The following CSMD2 variants were observed in gnomAD, a reference collection of about 807,000 sequenced individuals.
CSMD2 encodes the protein CUB and Sushi multiple domains 2.
A neutral mutation model predicts 398.5 loss-of-function variants in CSMD2; 130 were observed. That is an observed-to-expected ratio of 0.33 (90% confidence interval 0.28 to 0.38). CSMD2 has a LOEUF of 0.38. CSMD2 is among the 10% of genes least tolerant of loss of function. The pLI, the probability that CSMD2 is intolerant of heterozygous loss-of-function variation, is 1.00. For synonymous variants in CSMD2, 1,828 were observed against 1,908.5 expected, an observed-to-expected ratio of 0.96 and a Z score of 1.10; for missense variants, 3,829 against 4,764.9, an observed-to-expected ratio of 0.80 and a Z score of 5.78.
chr1:33,865,791 T>C (rs1291397108), intron 5 of CSMD2, among the ~76,000 whole-genome samples: 1 of 152,212 alleles, frequency 6.6e-6, no homozygotes, highest in African/African-American at 2.4e-5. Flanking sequence ...TTCCCTGACA[T>C]GGTTTGACTT....
At chr1:34,024,193 T>A (rs954728160) in intron 3 of CSMD2, among the ~76,000 whole-genome samples, 1 of 152,236 alleles carries the variant, frequency 6.6e-6, no homozygotes, top group African/African-American at 2.4e-5. Flanking sequence ...TATTCTTTCT[T>A]GTATCCTCAA....
intron 15 of CSMD2, among the ~76,000 whole-genome samples, chr1:33,735,683 A>C (rs1456930584): frequency 6.6e-6 from 1 of 152,172 alleles, no homozygotes; most frequent in East Asian, 1.9e-4. Flanking sequence ...CCTTCTTTCT[A>C]AATTTAGGAG....
chr1:33,525,379 A>G (rs1456901331), intron 65 of CSMD2, among the ~76,000 whole-genome samples: 1 of 152,262 alleles, frequency 6.6e-6, no homozygotes, highest in Non-Finnish European at 1.5e-5. Context: ...TTTTAAAAAG[A>G]AGGAAATTCT....
At chr1:33,901,035 C>A (rs146228984) in intron 5 of CSMD2, among the ~76,000 whole-genome samples, 1 of 152,146 alleles carries the variant, frequency 6.6e-6, no homozygotes, top group Non-Finnish European at 1.5e-5. Flanking sequence ...GGGAGAACCA[C>A]GTGTAGGTGA....
At chr1:33,560,769 A>G (rs1658465041) in intron 53 of CSMD2, among the ~76,000 whole-genome samples, 2 of 152,226 alleles carry the variant, frequency 1.3e-5, no homozygotes, top group South Asian at 4.1e-4. Context: ...AGCTGAATGC[A>G]AGCTCCTTGA....
At chr1:33,783,729 T>C (rs717030) in intron 12 of CSMD2, among the ~76,000 whole-genome samples, 6,565 of 152,246 alleles carry the variant, frequency 0.043, 193 homozygotes, top group Non-Finnish European at 0.058. Context: ...GTAGGAAAGA[T>C]GGGCCGGCCT....
chr1:34,055,209 A>C (rs1653689956), intron 2 of CSMD2, among the ~76,000 whole-genome samples: 1 of 152,162 alleles, frequency 6.6e-6, no homozygotes, highest in Admixed American at 6.5e-5. Context: ...CTGTAGAAAA[A>C]CAAACTGTTT....
intron 13 of CSMD2, 84 bp downstream of exon 13, chr1:33,772,475 AAGGTTCCCAG>A: frequency 2.7e-6 from 3 of 1,106,292 alleles, no homozygotes; most frequent in Non-Finnish European, 4.0e-6. Context: ...TACAACCTGC[AAGGTTCCCAG>A]GGACGGGGCC....
chr1:33,817,368 CT>C (rs1236445730), intron 9 of CSMD2, among the ~76,000 whole-genome samples: 1 of 152,154 alleles, frequency 6.6e-6, no homozygotes, highest in Non-Finnish European at 1.5e-5. Context: ...TAGAAAATGC[CT>C]TGTTTAAATT....
intron 44 of CSMD2, among the ~76,000 whole-genome samples, chr1:33,589,403 C>T (rs556807829): frequency 1.3e-5 from 2 of 152,290 alleles, no homozygotes; most frequent in South Asian, 4.1e-4. Flanking sequence ...ACATCCCTTG[C>T]CCTCACAGAA....
At chr1:34,136,533 T>A (rs1638769464) in intron 1 of CSMD2, among the ~76,000 whole-genome samples, 1 of 152,162 alleles carries the variant, frequency 6.6e-6, no homozygotes, top group South Asian at 2.1e-4. Flanking sequence ...TGTGCTGGGG[T>A]TACAGGCCTG....
chr1:33,619,438 C>CT (rs112885339), intron 37 of CSMD2, among the ~76,000 whole-genome samples: 9,730 of 152,294 alleles, frequency 0.064, 1,031 homozygotes, highest in African/African-American at 0.22. Context: ...ACCAACCCAT[C>CT]TTCCCAGGCA....
chr1:33,871,619 CTT>C (rs770912427), intron 5 of CSMD2, among the ~76,000 whole-genome samples: 16 of 152,170 alleles, frequency 1.1e-4, no homozygotes, highest in Admixed American at 2.6e-4. Context: ...GGTCTCTCTT[CTT>C]TTGTTTTGTT....
intron 2 of CSMD2, among the ~76,000 whole-genome samples, chr1:34,076,221 G>A (rs1279495897): frequency 6.6e-6 from 1 of 152,216 alleles, no homozygotes; most frequent in Admixed American, 6.5e-5. Context: ...CCAGTACATA[G>A]CATCAGTGAG....
Position 34,103,752 on chromosome 1 carries a change from A to G in CSMD2, c.188-14559T>C, listed in dbSNP as rs942336232. Reference sequence around the variant, plus strand: ...GTAATTCCGGTTATTGCCGTTAACAATGATGGCAAACACACACACACACAA... The same window carrying G: ...GTAATTCCGGTTATTGCCGTTAACAGTGATGGCAAACACACACACACACAA... On this transcript the variant is annotated intron_variant, in intron 1 of 70. Transcript: ENST00000373381. 9.5e-5 allele frequency among the ~76,000 whole-genome samples: 6 copies of G among 63,196 alleles called. No individual in the cohort carries two copies. The South Asian group carries it at 3.4e-3, about 36-fold the overall frequency. The allele number at this position is 63,196 out of a possible 152,430, so 41.5% of individuals were successfully genotyped here.
chr1:34,163,024 A>G lies in CSMD2; in HGVS notation c.187+1887T>C, dbSNP rs1434516791. On this transcript the variant is annotated intron_variant, in intron 1 of 70. Coordinates refer to ENST00000373381, the MANE Select transcript of CSMD2 (RefSeq NM_001281956.2). This position sits in a 1 kb window ranked among gnomAD's most constrained non-coding sequence, Gnocchi z 5.4. ...GAGCTGCGAGCAAATGGATCTCTATAGGGCAGGATTCCAGCACCGCTGAGC... is the reference window on the plus strand; with the variant it reads ...GAGCTGCGAGCAAATGGATCTCTATGGGGCAGGATTCCAGCACCGCTGAGC... Among the ~76,000 whole-genome samples the G allele has an allele frequency of 6.6e-6, 1 of 152,072 alleles. No homozygotes were observed. Among genetic ancestry groups the G allele is most frequent in the East Asian group, 1.9e-4 (1 of 5,152 alleles).
At chr1:33,938,424 A>C (rs200368149) in intron 3 of CSMD2, among the ~76,000 whole-genome samples, 2,075 of 50,618 alleles carry the variant, frequency 0.041, 32 homozygotes, top group African/African-American at 0.15. Context: ...CCATGATCCC[A>C]TGTTGCTGGC....
Position 33,818,577 on chromosome 1 carries a change from G to T in CSMD2, c.1324+1136C>A, listed in dbSNP as rs189134895. 2.7e-3 allele frequency among the ~76,000 whole-genome samples: 414 copies of T among 152,286 alleles called. 4 individuals carry two copies. Among genetic ancestry groups the T allele is most frequent in the Admixed American group, 6.9e-3 (105 of 15,294 alleles). ...GCCCAATTGCTGAGAGTTATGACAA[G>T]AATTCTTTTTTGTTGTTTGATTTTT... On this transcript the variant is annotated intron_variant, in intron 9 of 70. Coordinates refer to ENST00000373381, the MANE Select transcript of CSMD2 (RefSeq NM_001281956.2).
chr1:34,002,551 G>T (rs1646934851), intron 3 of CSMD2, among the ~76,000 whole-genome samples: 1 of 152,144 alleles, frequency 6.6e-6, no homozygotes, highest in Admixed American at 6.5e-5. Flanking sequence ...AGGGGTTGGG[G>T]CGACTTAAGT....
Sources: allele counts gnomAD v4.1 joint callset (sites outside exome capture counted in the v4.1 genomes callset), GRCh38; gene constraint gnomAD v4.1.1; non-coding constraint Gnocchi (gnomAD v3.1); transcripts MANE v1.5; gene names NCBI Gene and HGNC (gene_info 2026-07-23, HGNC 2026-07-21).